Variants in ASRGL1 observed in about 807,000 individuals in gnomAD.
The protein encoded by ASRGL1 is isoaspartyl peptidase/L-asparaginase.
ASRGL1 carries 16 observed loss-of-function variants against 22.4 expected under a neutral mutation model. The observed-to-expected ratio is 0.71, with a 90% CI of 0.48 to 1.08. The LOEUF (loss-of-function observed/expected upper bound fraction) is 1.08. Ranked by LOEUF, ASRGL1 falls within the 50% of genes least tolerant of loss-of-function variation. ASRGL1 has a pLI of 0.00. For synonymous variants in ASRGL1, 165 were observed against 159.3 expected, an observed-to-expected ratio of 1.04 and a Z score of -0.27; for missense variants, 412 against 410.1, an observed-to-expected ratio of 1.00 and a Z score of -0.04.
intron 2 of ASRGL1, among the ~76,000 whole-genome samples, chr11:62,351,511 G>A (rs979955908): frequency 6.6e-6 from 1 of 152,024 alleles, no homozygotes; most frequent in Non-Finnish European, 1.5e-5. Context: ...TTAGCTGGGC[G>A]TGGTGGCGGG....
chr11:62,395,730 A>G (rs1345120473), downstream of ASRGL1, among the ~76,000 whole-genome samples: 1 of 140,844 alleles, frequency 7.1e-6, no homozygotes, highest in Non-Finnish European at 1.5e-5. Flanking sequence ...GCACAAAACC[A>G]TCACTGCATT....
At chr11:62,379,662 C>G (rs1181490114) in intron 4 of ASRGL1, among the ~76,000 whole-genome samples, 1 of 152,190 alleles carries the variant, frequency 6.6e-6, no homozygotes, top group South Asian at 2.1e-4. Context: ...GTGGGGGCTC[C>G]CCTGAAAGCA....
In ASRGL1 at chr11:62,360,270, C is replaced by T. The variant is rs542108117; in HGVS notation, c.491+3126C>T. The stretch of plus-strand genomic sequence containing the variant: ...CTCGAACTCCTGACCTCAGGTGATC[C>T]GCCCACCTCGGCCTCCCAAAGTGCT... On this transcript the variant is annotated intron_variant, in intron 4 of 6. Coordinates refer to ENST00000415229, the MANE Select transcript of ASRGL1 (RefSeq NM_001083926.2). 2.6e-5 allele frequency among the ~76,000 whole-genome samples: 4 copies of T among 151,492 alleles called. No individual in the cohort carries two copies. In the East Asian group the frequency reaches 5.8e-4, roughly 22 times the overall value.
At position 62,391,643 on chromosome 11, in the gene ASRGL1, C is replaced by A; in HGVS notation, c.721+11C>A. 1 of 1,595,130 alleles carries A rather than the reference C, an allele frequency of 6.3e-7. No individual in the cohort carries two copies. Among genetic ancestry groups the A allele is most frequent in the Non-Finnish European group, 8.5e-7 (1 of 1,170,758 alleles). ...TCCACATAGAACAAGGTACACAGAC[C>A]ACAGGACAAGTAAAATAATTTGTGA... On this transcript the variant is annotated intron_variant, in intron 6 of 6. Coordinates refer to ENST00000415229, the MANE Select transcript of ASRGL1 (RefSeq NM_001083926.2).
At position 62,356,375 on chromosome 11, in the gene ASRGL1, A is replaced by G. The variant is rs1443226313; in HGVS notation, c.241A>G (p.Ile81Val). ...TNGEVEMDAS[I>V]MDGKDLSAGA... is the part of the protein sequence containing the mutation. ...TGGTGAGGTTGAAATGGATGCTAGT[A>G]TCATGGATGGAAAAGACCTGTCTGC... is the stretch of plus-strand genomic sequence containing the variant. The change falls in exon 3 of 7, where the codon ATC becomes GTC. Residue 81 changes from isoleucine (I) to valine (V), a missense_variant. Physicochemically the swap from Ile to Val is conservative, Grantham distance 29 (BLOSUM62 3). Coordinates refer to ENST00000415229, the MANE Select transcript of ASRGL1 (RefSeq NM_001083926.2). 6.2e-7 allele frequency: 1 copy of G among 1,614,202 alleles called. No homozygotes were observed. Among genetic ancestry groups the G allele is most frequent in the Non-Finnish European group, 8.5e-7 (1 of 1,179,970 alleles).
Position 62,338,134 on chromosome 11 carries a change from G to A in ASRGL1, c.157G>A (p.Val53Ile). The change falls in exon 2 of 7, where the codon GTC becomes ATC. Residue 53 changes from valine to isoleucine, a missense_variant. Coordinates refer to ENST00000415229, the MANE Select transcript of ASRGL1 (RefSeq NM_001083926.2). The part of the protein sequence containing the change: ...SAVDAVEGAV[V>I]ALEDDPEFNA... ...CGTGGATGCCGTAGAGGGAGCTGTC[G>A]TCGCCCTGGAAGACGATCCCGAGTT... The A allele has an allele frequency of 6.3e-7, 1 of 1,593,342 alleles. No individual in the cohort carries two copies. The highest frequency in any genetic ancestry group is 8.5e-7 in the Non-Finnish European group (1 of 1,170,932).
chr11:62,376,527 G>A (rs1346575509), intron 4 of ASRGL1, among the ~76,000 whole-genome samples: 1 of 152,074 alleles, frequency 6.6e-6, no homozygotes, highest in East Asian at 1.9e-4. Flanking sequence ...CATGTGGGCT[G>A]TTCTTTTTAC....
chr11:62,400,974 C>T, the ASRGL1 span, among the ~76,000 whole-genome samples: 69 of 152,348 alleles, frequency 4.5e-4, 1 homozygote, highest in Non-Finnish European at 4.4e-5. Context: ...CTCTGCGCCC[C>T]GCCCTGCCCA....
chr11:62,398,643 G>A, the ASRGL1 span, among the ~76,000 whole-genome samples: 1 of 152,080 alleles, frequency 6.6e-6, no homozygotes, highest in Non-Finnish European at 1.5e-5. Flanking sequence ...CCTCCCATCT[G>A]CTCCCCGCCC....
chr11:62,373,010 GC>G, intron 4 of ASRGL1: 3 of 1,388,844 alleles, frequency 2.2e-6, no homozygotes, highest in Non-Finnish European at 3.1e-6. Context: ...GGGATCACAA[GC>G]CCAAGTCTTC....
chr11:62,356,880 G>A, intron 3 of ASRGL1, 107 bp from the exon 4 acceptor site: 1 of 1,312,560 alleles, frequency 7.6e-7, no homozygotes, highest in Non-Finnish European at 1.0e-6. Flanking sequence ...TTGTATTTTT[G>A]ATCCTTTGCA....
downstream of ASRGL1, among the ~76,000 whole-genome samples, chr11:62,393,598 C>T (rs1392391385): frequency 6.6e-6 from 1 of 152,104 alleles, no homozygotes; most frequent in Non-Finnish European, 1.5e-5. Flanking sequence ...AAGGAAGAAG[C>T]CAAACCATGA....
chr11:62,394,580 C>T (rs1217989367), downstream of ASRGL1, among the ~76,000 whole-genome samples: 1 of 151,796 alleles, frequency 6.6e-6, no homozygotes, highest in South Asian at 2.1e-4. Context: ...AGACAACAAT[C>T]GCTAAGGAGA....
At chr11:62,367,867 A>G (rs902259059) in intron 4 of ASRGL1, among the ~76,000 whole-genome samples, 18 of 151,832 alleles carry the variant, frequency 1.2e-4, no homozygotes, top group Non-Finnish European at 2.1e-4. Context: ...GCTTGAACCC[A>G]CGAGGCAGAG....
At chr11:62,344,829 A>G (rs557808083) in intron 2 of ASRGL1, among the ~76,000 whole-genome samples, 39 of 152,158 alleles carry the variant, frequency 2.6e-4, no homozygotes, top group African/African-American at 9.2e-4. Flanking sequence ...TATTCATTCT[A>G]TTTTTTGTAC....
intron 4 of ASRGL1, among the ~76,000 whole-genome samples, chr11:62,363,480 C>T (rs769417839): frequency 1.3e-5 from 2 of 152,050 alleles, no homozygotes; most frequent in Admixed American, 6.6e-5. Flanking sequence ...ATAACATTCT[C>T]CTGTTTTTGA....
chr11:62,361,481 ATTTTTTTTTTT>A (rs35345092), intron 4 of ASRGL1, among the ~76,000 whole-genome samples: 4 of 101,918 alleles, frequency 3.9e-5, no homozygotes, highest in African/African-American at 1.8e-4. Context: ...AACCTGGCCA[ATTTTTTTTTTT>A]TTTTTTTTTT....
intron 4 of ASRGL1, among the ~76,000 whole-genome samples, chr11:62,379,893 C>T (rs1248012221): frequency 1.3e-5 from 2 of 152,124 alleles, no homozygotes; most frequent in African/African-American, 2.4e-5. Context: ...AATAGTTGCC[C>T]ATTTCTATCA....
intron 4 of ASRGL1, chr11:62,371,278 AG>A: frequency 2.1e-6 from 1 of 468,136 alleles, no homozygotes; most frequent in Non-Finnish European, 3.0e-6. Flanking sequence ...CAGTGGTGGC[AG>A]CAGCAGCAGC....
Sources: allele counts gnomAD v4.1 joint callset (sites outside exome capture counted in the v4.1 genomes callset), GRCh38; gene constraint gnomAD v4.1.1; transcripts MANE v1.5; gene names NCBI Gene and HGNC (gene_info 2026-07-23, HGNC 2026-07-21).